The following NCOA1 variants were observed in gnomAD, a reference collection of about 807,000 sequenced individuals.
NCOA1 encodes Hin-2 protein.
NCOA1 carries 35 observed loss-of-function variants against 150.9 expected under a neutral mutation model. The ratio of observed to expected loss-of-function variants is 0.23; its 90% CI spans 0.18 to 0.31. The LOEUF is 0.31. Among genes scored for constraint, NCOA1 ranks in the 10% least tolerant of loss-of-function variants. NCOA1 has a pLI of 1.00. For synonymous variants in NCOA1, 590 were observed against 630.0 expected, an observed-to-expected ratio of 0.94 and a Z score of 0.95; for missense variants, 1,491 against 1,749.3, an observed-to-expected ratio of 0.85 and a Z score of 2.63.
chr2:24,611,237 A>G (rs1234258556), intron 3 of NCOA1, among the ~76,000 whole-genome samples: 3 of 152,198 alleles, frequency 2.0e-5, no homozygotes, highest in East Asian at 3.8e-4. Context: ...TAATTTGCTT[A>G]GAATAATGGC....
intron 14 of NCOA1, among the ~76,000 whole-genome samples, chr2:24,721,698 C>G (rs1674364997): frequency 6.6e-6 from 1 of 152,208 alleles, no homozygotes. Context: ...CTGGCAGCAG[C>G]TGTTCAGCCA....
chr2:24,674,104 T>C (rs1191368385), intron 7 of NCOA1, among the ~76,000 whole-genome samples: 2 of 148,036 alleles, frequency 1.4e-5, no homozygotes, highest in African/African-American at 2.5e-5. Flanking sequence ...TACATGAATG[T>C]TTAAAGACAT....
chr2:24,569,535 A>G (rs1423646546), intron 2 of NCOA1, among the ~76,000 whole-genome samples: 1 of 142,788 alleles, frequency 7.0e-6, no homozygotes, highest in Non-Finnish European at 1.5e-5. Flanking sequence ...GTATCCTCAA[A>G]CTTGTTGGTT....
At chr2:24,710,509 T>C (rs1572626426) in intron 13 of NCOA1, among the ~76,000 whole-genome samples, 1 of 152,234 alleles carries the variant, frequency 6.6e-6, no homozygotes, top group Non-Finnish European at 1.5e-5. Flanking sequence ...TTTTTTAAAT[T>C]ATAAAATAGT....
chr2:24,495,745 C>G (rs1044888881), intron 1 of NCOA1, among the ~76,000 whole-genome samples: 1 of 152,188 alleles, frequency 6.6e-6, no homozygotes, highest in Non-Finnish European at 1.5e-5. Context: ...ACCAGACAGA[C>G]AGAGGTGTCC....
chr2:24,762,916 T>A, intron 22 of NCOA1, 140 bp downstream of exon 22: 1 of 716,782 alleles, frequency 1.4e-6, no homozygotes, highest in East Asian at 2.6e-5. Flanking sequence ...AGCTGTGTCG[T>A]CCTGGGCATG....
chr2:24,604,333 G>A lies in NCOA1; in HGVS notation c.-175+19773G>A, dbSNP rs1324804234. Among the ~76,000 whole-genome samples the A allele has an allele frequency of 2.0e-5, 3 of 152,272 alleles. No homozygotes were observed. In the East Asian group the frequency reaches 5.8e-4, roughly 29 times the overall value. On this transcript the variant is annotated intron_variant, in intron 3 of 22. Transcript: ENST00000348332. ...TTAGCCCCTAATAAGAGTTGAGTTA[G>A]CCTGTCCTCTGAAGCTTTGAAGCTG...
intron 1 of NCOA1, among the ~76,000 whole-genome samples, chr2:24,537,412 T>A (rs1665200176): frequency 6.6e-6 from 1 of 151,636 alleles, no homozygotes; most frequent in African/African-American, 2.4e-5. Flanking sequence ...ATGTGGGAGA[T>A]TATATATATA....
intron 5 of NCOA1, among the ~76,000 whole-genome samples, chr2:24,663,653 A>C (rs1259771495): frequency 6.6e-6 from 1 of 152,228 alleles, no homozygotes; most frequent in Admixed American, 6.5e-5. Flanking sequence ...CTTCTTTTCC[A>C]TTAAGGTAGA....
chr2:24,517,654 T>G (rs943499529), intron 1 of NCOA1, among the ~76,000 whole-genome samples: 2 of 152,198 alleles, frequency 1.3e-5, no homozygotes, highest in Non-Finnish European at 2.9e-5. Flanking sequence ...AAGGTTGTTC[T>G]TAGGAAGATT....
intron 14 of NCOA1, among the ~76,000 whole-genome samples, chr2:24,722,539 T>C (rs1161521353): frequency 6.6e-6 from 1 of 152,170 alleles, no homozygotes; most frequent in Non-Finnish European, 1.5e-5. Flanking sequence ...TGAGGAAACT[T>C]ATTTTCTTGA....
At chr2:24,563,524 T>C (rs563962705) in intron 1 of NCOA1, among the ~76,000 whole-genome samples, 2 of 147,572 alleles carry the variant, frequency 1.4e-5, no homozygotes, top group African/African-American at 2.5e-5. Flanking sequence ...ATCTCTCTCT[T>C]TTTTTTTTTT....
chr2:24,577,467 C>T (rs945414759), intron 2 of NCOA1, among the ~76,000 whole-genome samples: 1 of 152,186 alleles, frequency 6.6e-6, no homozygotes, highest in African/African-American at 2.4e-5. Context: ...GTGTAATCGT[C>T]TTCCAAATTC....
chr2:24,706,720 G>T lies in NCOA1; in HGVS notation c.1250G>T (p.Arg417Ile). ...PPSNSNMVST[R>I]INRQQSSDLH... is the part of the protein sequence containing the mutation. ...TCCAACAGCAACATGGTATCCACCAGAATAAACCGCCAGCAGAGCTCAGAC... is the reference window on the plus strand; with the variant it reads ...TCCAACAGCAACATGGTATCCACCATAATAAACCGCCAGCAGAGCTCAGAC... Residue 417 changes from arginine to isoleucine, a missense_variant, in exon 13 of 23, where the codon AGA becomes ATA. This residue lies in a region of NCOA1 where 703 missense variants were observed against 717.7 expected (regional missense o/e 0.98). Transcript: ENST00000348332. 1 of 1,614,146 alleles carries T rather than the reference G, an allele frequency of 6.2e-7. No homozygotes were observed. The highest frequency in any genetic ancestry group is 8.5e-7 in the Non-Finnish European group (1 of 1,180,020).
At chr2:24,491,883 C>G (rs1448343414) in intron 1 of NCOA1, 1 of 151,816 alleles carries the variant, frequency 6.6e-6, no homozygotes, top group Non-Finnish European at 1.5e-5. Flanking sequence ...TTCCAGTTGC[C>G]CTAGTTAGCG....
chr2:24,538,032 G>C (rs1572396093), intron 1 of NCOA1, among the ~76,000 whole-genome samples: 1 of 152,154 alleles, frequency 6.6e-6, no homozygotes, highest in African/African-American at 2.4e-5. Flanking sequence ...TCTTGCTTCA[G>C]TGTTAAGAAA....
rs533071675 is a variant in NCOA1, at chr2:24,645,129, A to G, written c.-18+1007A>G. 6.0e-4 allele frequency among the ~76,000 whole-genome samples: 92 copies of G among 152,284 alleles called. 2 individuals are homozygous for G. In the South Asian group the frequency reaches 6.4e-3, roughly 11 times the overall value. ...CTCAGTTGGCAGAGAGCTTTAATGC[A>G]AGGACTGGAGGTACAAAATTATTTA... On this transcript the variant is annotated intron_variant, in intron 4 of 22. Transcript: ENST00000348332.
intron 3 of NCOA1, among the ~76,000 whole-genome samples, chr2:24,640,671 T>C (rs1205997245): frequency 6.6e-6 from 1 of 152,144 alleles, no homozygotes; most frequent in African/African-American, 2.4e-5. Context: ...TCTGATTCTG[T>C]CTTCCTGATG....
At chr2:24,507,590 A>G (rs1663759062) in intron 1 of NCOA1, among the ~76,000 whole-genome samples, 1 of 152,010 alleles carries the variant, frequency 6.6e-6, no homozygotes, top group Non-Finnish European at 1.5e-5. Context: ...TGTGTTGGAA[A>G]CATTTCAGAT....
Sources: gnomAD v4.1 joint callset for allele counts (sites outside exome capture counted in the v4.1 genomes callset) on GRCh38, gnomAD v4.1.1 for gene constraint, gnomAD v4.1.1 regional missense constraint, MANE v1.5 for transcripts, NCBI Gene and HGNC (gene_info 2026-07-23, HGNC 2026-07-21) for gene names.